The following MTMR10 variants were observed in gnomAD, a reference collection of about 807,000 sequenced individuals.
MTMR10 encodes the protein myotubularin-related protein 10.
A neutral mutation model predicts 88.1 loss-of-function variants in MTMR10; 56 were observed. The ratio of observed to expected loss-of-function variants is 0.64; its 90% CI spans 0.51 to 0.79. The LOEUF (loss-of-function observed/expected upper bound fraction) is 0.79. Ranked by LOEUF, MTMR10 falls within the 30% of genes least tolerant of loss-of-function variation. MTMR10 has a pLI of 0.00. For missense variants in MTMR10, 883 were observed against 924.7 expected, an observed-to-expected ratio of 0.95 and a Z score of 0.58; for synonymous variants, 380 against 340.9, an observed-to-expected ratio of 1.11 and a Z score of -1.26.
intron 5 of MTMR10, among the ~76,000 whole-genome samples, chr15:30,973,888 C>T (rs898613886): frequency 3.9e-5 from 6 of 152,044 alleles, no homozygotes; most frequent in African/African-American, 1.4e-4. Context: ...AGGCCTTTCC[C>T]GTAATTATAT....
the MTMR10 span, chr15:30,928,180 G>C: frequency 2.0e-6 from 2 of 1,013,504 alleles, no homozygotes; most frequent in Non-Finnish European, 2.4e-6. Flanking sequence ...TGGGGATTCT[G>C]TGCCAGCCCA....
chr15:30,954,905 A>G lies in MTMR10; in HGVS notation c.936-12T>C, dbSNP rs1488719801. On this transcript the variant is annotated splice_polypyrimidine_tract_variant and intron_variant, in intron 9 of 15. Coordinates refer to ENST00000435680, the MANE Select transcript of MTMR10 (RefSeq NM_017762.3). Reference sequence around the variant, plus strand: ...TTGCATTACAAATCCTAATAAAGACAAAAATACTTTAGTCATTACTCATTC... The same window carrying G: ...TTGCATTACAAATCCTAATAAAGACGAAAATACTTTAGTCATTACTCATTC... The G allele has an allele frequency of 6.5e-7, 1 of 1,535,698 alleles. No individual in the cohort carries two copies. The highest frequency in any genetic ancestry group is 8.8e-7 in the Non-Finnish European group (1 of 1,137,998).
At chr15:30,987,671 CAATT>C (rs1476704757) in intron 2 of MTMR10, among the ~76,000 whole-genome samples, 1 of 147,268 alleles carries the variant, frequency 6.8e-6, no homozygotes, top group Non-Finnish European at 1.5e-5. Context: ...ATATCTCTAA[CAATT>C]AATTCTTTTT....
At chr15:30,943,244 C>CA (rs1320884686) in intron 14 of MTMR10, 172 bp from the exon 15 acceptor site, 8 of 1,370,750 alleles carry the variant, frequency 5.8e-6, no homozygotes, top group Non-Finnish European at 7.5e-6. Flanking sequence ...CCTTTGAGCT[C>CA]AGAGGGCCCC....
At chr15:30,927,117 G>A in the MTMR10 span, 17 of 919,778 alleles carry the variant, frequency 1.8e-5, no homozygotes, top group African/African-American at 8.9e-5. Context: ...ACGGAGGTGG[G>A]AGGATCTCTT....
At chr15:30,966,584 C>A (rs2063474680) in intron 6 of MTMR10, among the ~76,000 whole-genome samples, 1 of 152,188 alleles carries the variant, frequency 6.6e-6, no homozygotes, top group South Asian at 2.1e-4. Context: ...TAACCTTGAT[C>A]ACTGTTCTGT....
the MTMR10 span, chr15:30,928,463 G>C: frequency 1.3e-6 from 2 of 1,555,466 alleles, no homozygotes; most frequent in South Asian, 2.4e-5. Flanking sequence ...TGAGTGTGCA[G>C]TAGGTTATGG....
In MTMR10 at chr15:30,958,858, A is replaced by G. The variant is rs73366549; in HGVS notation, c.935+5T>C. ...CTAAAGTGACAATGACCATTTCTCA[A>G]TTACCTCTGGTCAATCTTCCTCTGC... On this transcript the variant is annotated splice_donor_5th_base_variant and intron_variant, in intron 9 of 15. Transcript: ENST00000435680. The G allele has an allele frequency of 4.0e-3, 6,511 of 1,613,068 alleles. 220 individuals carry two copies. The African/African-American group carries it at 0.075, about 19-fold the overall frequency.
At position 30,957,166 on chromosome 15, in the gene MTMR10, T is replaced by TTTGTTATTCAATACTTG. The variant is rs527700175; in HGVS notation, c.935+1696_935+1697insCAAGTATTGAATAACAA. Among the ~76,000 whole-genome samples the TTTGTTATTCAATACTTG allele has an allele frequency of 1.8e-3, 270 of 152,356 alleles. 2 individuals are homozygous for TTTGTTATTCAATACTTG. The highest frequency in any genetic ancestry group is 6.1e-3 in the African/African-American group (255 of 41,588). ...ATAAGATCTGTTCATTTACTCCTCA[T>TTTGTTATTCAATACTTG]TTATTCAACAAGTATTGAATAAATA... On this transcript the variant is annotated intron_variant, in intron 9 of 15. Coordinates refer to ENST00000435680, the MANE Select transcript of MTMR10 (RefSeq NM_017762.3).
rs148785830 is a variant in MTMR10, at chr15:30,942,034, G to C, written c.1770C>G (p.Ala590=). 2.2e-3 allele frequency: 3,494 copies of C among 1,613,940 alleles called. 4 individuals carry two copies. The highest frequency in any genetic ancestry group is 2.7e-3 in the Non-Finnish European group (3,201 of 1,179,858). ...YSSTLRGMPS[A]LKNGIISDQE... is the part of the protein sequence containing the mutation. Reference sequence around the variant, plus strand: ...GGTCACTGATGATTCCATTCTTTAAGGCAGACGGCATTCCTCTTAGTGTGG... The same window carrying C: ...GGTCACTGATGATTCCATTCTTTAACGCAGACGGCATTCCTCTTAGTGTGG... Residue 590 remains alanine, a synonymous_variant, in exon 16 of 16, where the codon GCC becomes GCG. Transcript: ENST00000435680.
chr15:30,937,222 T>C (rs747876661), downstream of MTMR10: 7 of 1,613,968 alleles, frequency 4.3e-6, no homozygotes, highest in African/African-American at 2.7e-5. Context: ...TGCCATGTGG[T>C]TGCAGTTGGA....
At position 30,941,477 on chromosome 15, in the gene MTMR10, T is replaced by A; in HGVS notation, c.2327A>T (p.Glu776Val). Reference sequence around the variant, plus strand: ...TTCAGAAAACACCCTATTTTAGTCTTCATTTGCTAATGTCTCAGTAGACAA... The same window carrying A: ...TTCAGAAAACACCCTATTTTAGTCTACATTTGCTAATGTCTCAGTAGACAA... ...IWLSTETLANED is the reference protein window; with the variant it reads ...IWLSTETLANVD The change falls in exon 16 of 16, where the codon GAA becomes GTA. Residue 776 changes from glutamate to valine, a missense_variant. By Grantham distance (121) the Glu-to-Val change is moderately radical (BLOSUM62 -2). This residue lies in a region of MTMR10 where 343 missense variants were observed against 323.2 expected (regional missense o/e 1.06). Coordinates refer to ENST00000435680, the MANE Select transcript of MTMR10 (RefSeq NM_017762.3). The A allele has an allele frequency of 6.2e-7, 1 of 1,604,014 alleles. No individual in the cohort carries two copies. The highest frequency in any genetic ancestry group is 8.5e-7 in the Non-Finnish European group (1 of 1,174,690).
chr15:30,989,498 T>C (rs1805880830), intron 2 of MTMR10, among the ~76,000 whole-genome samples: 1 of 152,188 alleles, frequency 6.6e-6, no homozygotes, highest in South Asian at 2.1e-4. Flanking sequence ...ACCTACAAAA[T>C]TCTAATTATT....
intron 2 of MTMR10, among the ~76,000 whole-genome samples, chr15:30,978,607 T>C (rs2030332230): frequency 6.6e-6 from 1 of 152,224 alleles, no homozygotes; most frequent in African/African-American, 2.4e-5. Flanking sequence ...AAATAGGACA[T>C]CTGTCCTGTC....
At chr15:30,943,328 G>A in intron 14 of MTMR10, 1 of 985,238 alleles carries the variant, frequency 1.0e-6, no homozygotes. Flanking sequence ...CGTGCCCTTT[G>A]GGCAATAAGA....
intron 7 of MTMR10, 68 bp downstream of exon 7, chr15:30,960,813 A>C: frequency 1.4e-6 from 2 of 1,409,856 alleles, no homozygotes; most frequent in South Asian, 1.9e-5. Context: ...CAATGACAAC[A>C]GAGTTTGATG....
the MTMR10 span, among the ~76,000 whole-genome samples, chr15:30,933,726 T>G: frequency 3.4e-5 from 5 of 148,094 alleles, no homozygotes; most frequent in Non-Finnish European, 5.9e-5. Flanking sequence ...TATTGATATC[T>G]CTGATTATAA....
chr15:30,922,804 C>T, the MTMR10 span, among the ~76,000 whole-genome samples: 4 of 152,214 alleles, frequency 2.6e-5, no homozygotes, highest in Non-Finnish European at 4.4e-5. Flanking sequence ...GTCCTTTATG[C>T]GTGACTCTGT....
Position 30,990,831 on chromosome 15 carries a change from C to A in MTMR10, c.67G>T (p.Asp23Tyr). 6.2e-7 allele frequency: 1 copy of A among 1,603,372 alleles called. No homozygotes were observed. Among genetic ancestry groups the A allele is most frequent in the Non-Finnish European group, 8.5e-7 (1 of 1,174,410 alleles). The change falls in exon 2 of 16, where the codon GAT becomes TAT. Residue 23 changes from aspartate to tyrosine, a missense_variant. Coordinates refer to ENST00000435680, the MANE Select transcript of MTMR10 (RefSeq NM_017762.3). ...ATCTTCGGTTCCGAATTGATCTTAT[C>A]GTCAGTCTGAAATACATTAGCAAAA... The part of the protein sequence containing the change: ...SYLLPPPQTD[D>Y]KINSEPKIKK...
Sources: allele counts gnomAD v4.1 joint callset (sites outside exome capture counted in the v4.1 genomes callset), GRCh38; gene constraint gnomAD v4.1.1; regional missense constraint gnomAD v4.1.1; transcripts MANE v1.5; gene names NCBI Gene and HGNC (gene_info 2026-07-23, HGNC 2026-07-21).